Variants in PTPRT observed in about 807,000 individuals in gnomAD.
PTPRT encodes the protein receptor-type tyrosine-protein phosphatase T.
Under a neutral mutation model 176.8 loss-of-function variants are expected in PTPRT, and 56 were observed. The ratio of observed to expected loss-of-function variants is 0.32; its 90% CI spans 0.26 to 0.40. The LOEUF (loss-of-function observed/expected upper bound fraction) is 0.40, where lower values mean the gene tolerates loss of function less well. Among genes scored for constraint, PTPRT ranks in the 10% least tolerant of loss-of-function variants. The pLI is 1.00. For missense variants in PTPRT, 1,540 were observed against 1,908.2 expected (o/e 0.81, Z 3.60); for synonymous variants, 783 against 739.0 (o/e 1.06, Z -0.96).
At chr20:42,601,992 A>G (rs1403913742) in intron 7 of PTPRT, among the ~76,000 whole-genome samples, 1 of 152,186 alleles carries the variant, frequency 6.6e-6, no homozygotes, top group Admixed American at 6.5e-5. Flanking sequence ...GAGACCATTT[A>G]TGAAAATAAT....
chr20:43,109,888 G>A (rs748433404), intron 1 of PTPRT, among the ~76,000 whole-genome samples: 1 of 152,136 alleles, frequency 6.6e-6, no homozygotes, highest in Non-Finnish European at 1.5e-5. Flanking sequence ...AGGGGGACCA[G>A]TGTAATAGAG....
At chr20:42,498,523 G>A (rs2071693587) in intron 7 of PTPRT, among the ~76,000 whole-genome samples, 1 of 152,094 alleles carries the variant, frequency 6.6e-6, no homozygotes, top group African/African-American at 2.4e-5. Flanking sequence ...ATACTTCCCT[G>A]ACATATTTTG....
chr20:42,715,751 G>T (rs182442579), intron 6 of PTPRT, among the ~76,000 whole-genome samples: 1 of 152,156 alleles, frequency 6.6e-6, no homozygotes, highest in African/African-American at 2.4e-5. Flanking sequence ...GGATTGGAAG[G>T]TTCCAATTAA....
chr20:42,171,657 G>A (rs1050554578), intron 16 of PTPRT, among the ~76,000 whole-genome samples: 1 of 151,946 alleles, frequency 6.6e-6, no homozygotes, highest in Non-Finnish European at 1.5e-5. Flanking sequence ...AGAATGAACA[G>A]GATTCAAATA....
chr20:42,596,393 A>C (rs1342311748), intron 7 of PTPRT, among the ~76,000 whole-genome samples: 1 of 152,212 alleles, frequency 6.6e-6, no homozygotes, highest in Non-Finnish European at 1.5e-5. Flanking sequence ...TGTTCCTCTG[A>C]ACTAATGTAA....
At chr20:42,141,763 G>C (rs1988642199) in intron 18 of PTPRT, 152 bp downstream of exon 18, 1 of 747,346 alleles carries the variant, frequency 1.3e-6, no homozygotes. Flanking sequence ...TGGCAGTAAG[G>C]CTGATATAAA....
intron 7 of PTPRT, among the ~76,000 whole-genome samples, chr20:42,513,285 T>G (rs1360502349): frequency 2.6e-5 from 4 of 151,384 alleles, no homozygotes; most frequent in Non-Finnish European, 4.4e-5. Flanking sequence ...CTAGCTTCCT[T>G]GAAGAAGCCA....
At chr20:42,282,448 C>T (rs756143294) in intron 13 of PTPRT, 41 bp downstream of exon 13, 1 of 1,570,498 alleles carries the variant, frequency 6.4e-7, no homozygotes. Flanking sequence ...ACTTAAATGG[C>T]TGAAGAACAG....
intron 11 of PTPRT, among the ~76,000 whole-genome samples, chr20:42,325,687 T>G (rs1001106649): frequency 6.6e-6 from 1 of 152,136 alleles, no homozygotes; most frequent in African/African-American, 2.4e-5. Context: ...AAATTTATTC[T>G]CAAAACAGTG....
chr20:42,124,667 G>A (rs1987764171), intron 19 of PTPRT, among the ~76,000 whole-genome samples: 1 of 152,228 alleles, frequency 6.6e-6, no homozygotes, highest in African/African-American at 2.4e-5. Context: ...AGACCAGGGT[G>A]ATGGAGTGAG....
chr20:42,648,816 CGTT>C (rs1391905731), intron 7 of PTPRT, among the ~76,000 whole-genome samples: 7 of 99,390 alleles, frequency 7.0e-5, no homozygotes, highest in South Asian at 3.0e-4. Context: ...TTTTTGGTGT[CGTT>C]GTTTTTTTTT....
chr20:42,106,924 G>A lies in PTPRT; in HGVS notation c.3255-3C>T. The A allele has an allele frequency of 6.2e-7, 1 of 1,613,946 alleles. No individual in the cohort carries two copies. The highest frequency in any genetic ancestry group is 8.5e-7 in the Non-Finnish European group (1 of 1,179,894). On this transcript the variant is annotated splice_polypyrimidine_tract_variant and splice_region_variant and intron_variant, in intron 23 of 30. Coordinates refer to ENST00000373187, the MANE Select transcript of PTPRT (RefSeq NM_007050.6). ...AGCCAGTCCGCCCAGCCCCAGCACT[G>A]GAAGAGAGGTATGGTCTGTGTTAAG...
chr20:42,685,615 C>A (rs2075678538), intron 6 of PTPRT: 2 of 152,164 alleles, frequency 1.3e-5, no homozygotes, highest in African/African-American at 4.8e-5. Flanking sequence ...ATGAAAAAGT[C>A]TCTCCTTCAC....
At chr20:42,870,363 T>C (rs1418993790) in intron 2 of PTPRT, among the ~76,000 whole-genome samples, 1 of 152,250 alleles carries the variant, frequency 6.6e-6, no homozygotes, top group Non-Finnish European at 1.5e-5. Flanking sequence ...CTGAGTAATA[T>C]TCCATTGTAT....
At chr20:42,132,564 T>C (rs1158298762) in intron 18 of PTPRT, among the ~76,000 whole-genome samples, 1 of 152,136 alleles carries the variant, frequency 6.6e-6, no homozygotes, top group African/African-American at 2.4e-5. Context: ...AATAAGCACA[T>C]GAAAAGATGT....
intron 1 of PTPRT, among the ~76,000 whole-genome samples, chr20:42,908,383 A>G (rs1265611979): frequency 1.3e-5 from 2 of 152,234 alleles, no homozygotes; most frequent in Non-Finnish European, 2.9e-5. Context: ...ATCTGACATG[A>G]GAAAATAATT....
chr20:42,809,915 C>T (rs1249820713), intron 2 of PTPRT, among the ~76,000 whole-genome samples: 4 of 152,088 alleles, frequency 2.6e-5, no homozygotes, highest in Non-Finnish European at 2.9e-5. Flanking sequence ...GCTGGGGGGC[C>T]GTGATTCAAC....
chr20:42,421,996 G>A (rs913643361), intron 9 of PTPRT, among the ~76,000 whole-genome samples: 2 of 152,172 alleles, frequency 1.3e-5, no homozygotes, highest in Admixed American at 1.3e-4. Flanking sequence ...TAACTGACTA[G>A]CCATATGCAG....
At chr20:42,915,097 A>G (rs1297264500) in intron 1 of PTPRT, among the ~76,000 whole-genome samples, 1 of 152,130 alleles carries the variant, frequency 6.6e-6, no homozygotes, top group Admixed American at 6.5e-5. Flanking sequence ...TTGGCCATCT[A>G]AAGTAAAATG....
Sources: allele counts gnomAD v4.1 joint callset (sites outside exome capture counted in the v4.1 genomes callset), GRCh38; gene constraint gnomAD v4.1.1; transcripts MANE v1.5; gene names NCBI Gene and HGNC (gene_info 2026-07-23, HGNC 2026-07-21).